UVRAG: variants seen among roughly 807,000 people sequenced by gnomAD.
UVRAG encodes the protein UV radiation resistance associated, also known as UV radiation resistance-associated gene protein.
UVRAG carries 19 observed loss-of-function variants against 78.0 expected under a neutral mutation model. The ratio of observed to expected loss-of-function variants is 0.24; its 90% CI spans 0.17 to 0.36. UVRAG has a LOEUF of 0.36. Ranked by LOEUF, UVRAG falls within the 10% of genes least tolerant of loss-of-function variation. The pLI, the probability that UVRAG is intolerant of heterozygous loss-of-function variation, is 1.00. For synonymous variants in UVRAG, 323 were observed against 324.6 expected (o/e 1.00, Z 0.05); for missense variants, 740 against 853.8 (o/e 0.87, Z 1.66).
chr11:75,930,497 A>T (rs950100580), intron 6 of UVRAG, among the ~76,000 whole-genome samples: 1 of 152,234 alleles, frequency 6.6e-6, no homozygotes, highest in East Asian at 1.9e-4. Flanking sequence ...ATTGTATGAT[A>T]AACTAATATT....
At chr11:75,884,380 C>T (rs932600864) in intron 4 of UVRAG, among the ~76,000 whole-genome samples, 2 of 152,038 alleles carry the variant, frequency 1.3e-5, no homozygotes, top group African/African-American at 2.4e-5. Flanking sequence ...CCAATATTTT[C>T]TGCCAGTTTG....
At chr11:75,821,945 T>G (rs1172838728) in intron 1 of UVRAG, among the ~76,000 whole-genome samples, 5 of 149,562 alleles carry the variant, frequency 3.3e-5, no homozygotes, top group Admixed American at 2.7e-4. Flanking sequence ...ATCACTGTTT[T>G]TTTTTTTTTT....
rs1950414152 is a variant in UVRAG, at chr11:76,030,401, A to G, written c.1226+13421A>G. On this transcript the variant is annotated intron_variant, in intron 12 of 14. Transcript: ENST00000356136. The stretch of plus-strand genomic sequence containing the variant: ...TATATCCAGTGTATGTCTGTACTTC[A>G]AATAGGCCGAGAGTTAACTGTCTAC... 4.6e-5 allele frequency among the ~76,000 whole-genome samples: 7 copies of G among 152,250 alleles called. No homozygotes were observed. The South Asian group carries it at 1.5e-3, about 32-fold the overall frequency.
At chr11:76,070,730 C>T (rs1951288188) in intron 13 of UVRAG, among the ~76,000 whole-genome samples, 1 of 152,116 alleles carries the variant, frequency 6.6e-6, no homozygotes, top group Non-Finnish European at 1.5e-5. Context: ...ATCCCTGCCT[C>T]GTTAATATGC....
chr11:75,935,673 T>C (rs2135121036), intron 6 of UVRAG, among the ~76,000 whole-genome samples: 1 of 152,322 alleles, frequency 6.6e-6, no homozygotes, highest in Admixed American at 6.5e-5. Flanking sequence ...ATTTCCAAAC[T>C]TGAAGAAACA....
At chr11:76,084,619 A>C (rs781322632) in intron 13 of UVRAG, among the ~76,000 whole-genome samples, 1 of 152,074 alleles carries the variant, frequency 6.6e-6, no homozygotes, top group Non-Finnish European at 1.5e-5. Flanking sequence ...TTTTAGTCTG[A>C]AACTCAGAAT....
chr11:75,850,149 C>T (rs1392175395), intron 1 of UVRAG, among the ~76,000 whole-genome samples: 1 of 151,846 alleles, frequency 6.6e-6, no homozygotes, highest in Non-Finnish European at 1.5e-5. Context: ...ATGGAAAGCA[C>T]CCAGCCAGAA....
At chr11:75,887,732 C>CCACT (rs1246921880) in intron 4 of UVRAG, among the ~76,000 whole-genome samples, 4 of 152,020 alleles carry the variant, frequency 2.6e-5, no homozygotes. Flanking sequence ...TAGGCATGAG[C>CCACT]CACTGCGCCG....
At chr11:76,110,745 A>G (rs1251209227) in intron 13 of UVRAG, among the ~76,000 whole-genome samples, 1 of 152,148 alleles carries the variant, frequency 6.6e-6, no homozygotes, top group Non-Finnish European at 1.5e-5. Flanking sequence ...AGAGACAAGA[A>G]AGAGAGCTTT....
At chr11:75,865,263 G>A (rs562697068) in intron 3 of UVRAG, among the ~76,000 whole-genome samples, 91 of 143,940 alleles carry the variant, frequency 6.3e-4, no homozygotes, top group African/African-American at 2.4e-3. Flanking sequence ...CTCCAGCCTG[G>A]GCAACAAGAG....
Position 75,829,763 on chromosome 11 carries a change from T to A in UVRAG, c.117+14239T>A, listed in dbSNP as rs1037629695. Among the ~76,000 whole-genome samples the A allele has an allele frequency of 3.9e-5, 6 of 152,346 alleles. 1 individual carries two copies. Among genetic ancestry groups the A allele is most frequent in the Admixed American group, 2.6e-4 (4 of 15,304 alleles). On this transcript the variant is annotated intron_variant, in intron 1 of 14. Coordinates refer to ENST00000356136, the MANE Select transcript of UVRAG (RefSeq NM_003369.4). ...CAGCCCTATACTATATGTAAACAAC[T>A]GAGTGTGGTTGTATTCCAGTAAAAG...
chr11:76,085,907 A>C (rs1207658106), intron 13 of UVRAG, among the ~76,000 whole-genome samples: 3 of 152,116 alleles, frequency 2.0e-5, no homozygotes, highest in Non-Finnish European at 4.4e-5. Flanking sequence ...AGCTCTTTCT[A>C]CATGTCAGAC....
At chr11:76,033,249 TC>T (rs1950469688) in intron 12 of UVRAG, among the ~76,000 whole-genome samples, 1 of 152,182 alleles carries the variant, frequency 6.6e-6, no homozygotes, top group Non-Finnish European at 1.5e-5. Flanking sequence ...CTCAGAATAC[TC>T]TTTTGGAAAG....
chr11:76,088,450 A>G (rs1258494358), intron 13 of UVRAG, among the ~76,000 whole-genome samples: 1 of 151,660 alleles, frequency 6.6e-6, no homozygotes, highest in African/African-American at 2.4e-5. Flanking sequence ...CCCAAATCCC[A>G]TCTTCTCCTA....
chr11:75,992,264 T>C (rs1949622476), intron 8 of UVRAG, among the ~76,000 whole-genome samples: 2 of 152,196 alleles, frequency 1.3e-5, no homozygotes, highest in African/African-American at 4.8e-5. Flanking sequence ...CCAAGTCAGT[T>C]GCACATTCTT....
At chr11:75,820,241 G>T (rs911630254) in intron 1 of UVRAG, among the ~76,000 whole-genome samples, 8 of 152,110 alleles carry the variant, frequency 5.3e-5, no homozygotes, top group African/African-American at 1.7e-4. Context: ...ACCTCCCAAA[G>T]TGTTGGGATT....
intron 5 of UVRAG, among the ~76,000 whole-genome samples, chr11:75,903,076 TCTC>T (rs937074121): frequency 6.6e-6 from 1 of 152,014 alleles, no homozygotes; most frequent in African/African-American, 2.4e-5. Context: ...TCTTCTTCCT[TCTC>T]CTCCTCCTCC....
At chr11:75,934,120 A>G (rs1948308442) in intron 6 of UVRAG, among the ~76,000 whole-genome samples, 1 of 152,256 alleles carries the variant, frequency 6.6e-6, no homozygotes, top group African/African-American at 2.4e-5. Flanking sequence ...ATGGATAAAG[A>G]AAATGTGATA....
At chr11:76,068,263 T>C (rs1052782895) in intron 13 of UVRAG, among the ~76,000 whole-genome samples, 1 of 152,196 alleles carries the variant, frequency 6.6e-6, no homozygotes, top group East Asian at 1.9e-4. Flanking sequence ...CTCATCAGAC[T>C]CTCAACTCTA....
Sources: allele counts gnomAD v4.1 joint callset (sites outside exome capture counted in the v4.1 genomes callset), GRCh38; gene constraint gnomAD v4.1.1; transcripts MANE v1.5; gene names NCBI Gene and HGNC (gene_info 2026-07-23, HGNC 2026-07-21).